UBL3: variants seen among roughly 807,000 people sequenced by gnomAD.
UBL3 encodes ubiquitin-like protein 3.
In UBL3, 6 loss-of-function variants were observed where a neutral mutation model predicts 18.4. The observed-to-expected ratio is 0.33, with a 90% CI of 0.18 to 0.64. UBL3 has a LOEUF of 0.64. Ranked by LOEUF, UBL3 falls within the 30% of genes least tolerant of loss-of-function variation. The probability of loss-of-function intolerance (pLI) is 0.76; values close to 1 mark genes in which losing one functional copy is unlikely to be tolerated. For missense variants in UBL3, 109 were observed against 142.9 expected, an observed-to-expected ratio of 0.76 and a Z score of 1.21; for synonymous variants, 49 against 46.6, an observed-to-expected ratio of 1.05 and a Z score of -0.21.
At chr13:29,788,377 A>G (rs763999032) in intron 1 of UBL3, among the ~76,000 whole-genome samples, 6 of 152,190 alleles carry the variant, frequency 3.9e-5, no homozygotes, top group Non-Finnish European at 1.5e-5. Flanking sequence ...CATTCAACAC[A>G]GAACAATTTT....
chr13:29,771,813 C>T (rs925914929), intron 3 of UBL3, among the ~76,000 whole-genome samples: 1 of 151,938 alleles, frequency 6.6e-6, no homozygotes, highest in Non-Finnish European at 1.5e-5. Flanking sequence ...TAAAATACTA[C>T]ATCTGAATTA....
intron 1 of UBL3, among the ~76,000 whole-genome samples, chr13:29,810,047 A>ATCT (rs1878001226): frequency 2.0e-5 from 3 of 152,252 alleles, no homozygotes; most frequent in African/African-American, 7.2e-5. Context: ...GAACCTATGA[A>ATCT]TATGAAAGGC....
At chr13:29,773,953 A>C (rs1393347619) in intron 2 of UBL3, among the ~76,000 whole-genome samples, 1 of 152,164 alleles carries the variant, frequency 6.6e-6, no homozygotes, top group Non-Finnish European at 1.5e-5. Flanking sequence ...ATTAACATCA[A>C]TAAGTATTTA....
At chr13:29,782,962 G>A (rs966511884) in intron 1 of UBL3, among the ~76,000 whole-genome samples, 1 of 152,192 alleles carries the variant, frequency 6.6e-6, no homozygotes, top group Non-Finnish European at 1.5e-5. Context: ...AGTAGTAGGT[G>A]CTCAGCCAGT....
At chr13:29,789,612 C>T (rs947564260) in intron 1 of UBL3, among the ~76,000 whole-genome samples, 7 of 152,340 alleles carry the variant, frequency 4.6e-5, no homozygotes, top group African/African-American at 1.7e-4. Context: ...CTCTACAGTA[C>T]TCTGGGTTTG....
At chr13:29,821,189 T>A (rs1374224797) in intron 1 of UBL3, among the ~76,000 whole-genome samples, 3 of 152,028 alleles carry the variant, frequency 2.0e-5, no homozygotes, top group Non-Finnish European at 4.4e-5. Context: ...GCTTACTAAG[T>A]ACCAAAAAAG....
intron 1 of UBL3, among the ~76,000 whole-genome samples, chr13:29,777,889 C>T (rs1356330459): frequency 1.3e-5 from 2 of 152,132 alleles, no homozygotes; most frequent in Non-Finnish European, 2.9e-5. Context: ...GCCTCAGCCT[C>T]CCAAGTAGCT....
In UBL3 at chr13:29,767,298, T is replaced by C; in HGVS notation, c.311A>G (p.Asn104Ser). Residue 104 changes from asparagine (N) to serine (S), a missense_variant, in exon 5 of 5, where the codon AAT becomes AGT. Asn to Ser is a conservative substitution (Grantham distance 46, BLOSUM62 1). Transcript: ENST00000380680. ...ATTACTCTCTCCAGTCTTCTCACGA[T>C]TCCTCTGACCTAGGGAAAACGAAGA... Reference protein sequence around the residue: ...LPEPNSQGQRNREKTGESNCC... With the variant: ...LPEPNSQGQRSREKTGESNCC... 1 of 1,613,180 alleles carries C rather than the reference T, an allele frequency of 6.2e-7. No homozygotes were observed. Among genetic ancestry groups the C allele is most frequent in the Non-Finnish European group, 8.5e-7 (1 of 1,179,340 alleles).
chr13:29,789,395 C>T (rs1877426739), intron 1 of UBL3, among the ~76,000 whole-genome samples: 2 of 152,196 alleles, frequency 1.3e-5, no homozygotes, highest in South Asian at 2.1e-4. Context: ...AATTTCAATT[C>T]AAGTAAGTTT....
chr13:29,847,408 G>A (rs1319430280), intron 1 of UBL3, among the ~76,000 whole-genome samples: 1 of 152,142 alleles, frequency 6.6e-6, no homozygotes, highest in Non-Finnish European at 1.5e-5. Context: ...CAGAATCAAG[G>A]CCTTAACATC....
chr13:29,767,558 G>A, intron 4 of UBL3, 60 bp downstream of exon 4: 1 of 1,566,456 alleles, frequency 6.4e-7, no homozygotes, highest in Non-Finnish European at 8.8e-7. Flanking sequence ...GAAAAACCTA[G>A]CATTTTTGAA....
At chr13:29,772,643 A>T (rs1346250711) in intron 2 of UBL3, among the ~76,000 whole-genome samples, 2 of 152,116 alleles carry the variant, frequency 1.3e-5, no homozygotes, top group East Asian at 3.8e-4. Flanking sequence ...AACAGTTAAT[A>T]TATTGATATT....
At chr13:29,836,260 C>T (rs1448210871) in intron 1 of UBL3, among the ~76,000 whole-genome samples, 2 of 151,822 alleles carry the variant, frequency 1.3e-5, no homozygotes, top group Admixed American at 6.6e-5. Context: ...TGGTAAGTAA[C>T]ATAGTAATTA....
chr13:29,826,694 CTCTGA>C (rs1375592298), intron 1 of UBL3, among the ~76,000 whole-genome samples: 1 of 152,130 alleles, frequency 6.6e-6, no homozygotes, highest in Non-Finnish European at 1.5e-5. Context: ...TTCAGTTCTG[CTCTGA>C]TCTTAGTTAT....
Position 29,793,740 on chromosome 13 carries a change from C to T in UBL3, c.28-16477G>A, listed in dbSNP as rs187322273. On this transcript the variant is annotated intron_variant, in intron 1 of 4. Transcript: ENST00000380680. ...ACTCAGAGTAACTAACACCATAAAACGGATACAAAGTCTGGAAAAGATTTA... is the reference window on the plus strand; with the variant it reads ...ACTCAGAGTAACTAACACCATAAAATGGATACAAAGTCTGGAAAAGATTTA... Among the ~76,000 whole-genome samples, 307 of 152,292 alleles carry T rather than the reference C, an allele frequency of 2.0e-3. 1 individual carries two copies. The highest frequency in any genetic ancestry group is 7.0e-3 in the African/African-American group (290 of 41,570).
intron 1 of UBL3, among the ~76,000 whole-genome samples, chr13:29,832,001 C>G (rs926572592): frequency 2.0e-5 from 3 of 152,186 alleles, no homozygotes; most frequent in Non-Finnish European, 4.4e-5. Flanking sequence ...CCAATAGACA[C>G]AAGTAGCCCA....
intron 1 of UBL3, among the ~76,000 whole-genome samples, chr13:29,848,033 CAAG>C (rs1879271578): frequency 6.6e-6 from 1 of 152,052 alleles, no homozygotes; most frequent in African/African-American, 2.4e-5. Context: ...GGAAATTAAA[CAAG>C]AGCAAAATTC....
chr13:29,822,934 C>T (rs1382155848), intron 1 of UBL3, among the ~76,000 whole-genome samples: 1 of 152,080 alleles, frequency 6.6e-6, no homozygotes, highest in Non-Finnish European at 1.5e-5. Flanking sequence ...CAAACACAAA[C>T]ACACACATCA....
intron 1 of UBL3, among the ~76,000 whole-genome samples, chr13:29,844,202 T>C (rs182981450): frequency 6.6e-6 from 1 of 152,284 alleles, no homozygotes; most frequent in African/African-American, 2.4e-5. Flanking sequence ...TGAATGCAGG[T>C]GGACCTAGGA....
Sources: allele counts gnomAD v4.1 joint callset (sites outside exome capture counted in the v4.1 genomes callset), GRCh38; gene constraint gnomAD v4.1.1; transcripts MANE v1.5; gene names NCBI Gene and HGNC (gene_info 2026-07-23, HGNC 2026-07-21).